The following PCDHA12 variants were observed in gnomAD, a reference collection of about 807,000 sequenced individuals.
PCDHA12 encodes protocadherin alpha 12.
Under a neutral mutation model 60.0 loss-of-function variants are expected in PCDHA12, and 44 were observed. The observed-to-expected ratio is 0.73, with a 90% CI of 0.58 to 0.94. The LOEUF is 0.94. Ranked by LOEUF, PCDHA12 falls within the 40% of genes least tolerant of loss-of-function variation. The pLI, the probability that PCDHA12 is intolerant of heterozygous loss-of-function variation, is 0.00. For missense variants in PCDHA12, 1,276 were observed against 1,239.7 expected, an observed-to-expected ratio of 1.03 and a Z score of -0.44; for synonymous variants, 569 against 553.0, an observed-to-expected ratio of 1.03 and a Z score of -0.40.
Position 140,939,297 on chromosome 5 carries a change from T to C in PCDHA12, c.2368-39652T>C, listed in dbSNP as rs116782192. Among the ~76,000 whole-genome samples the C allele has an allele frequency of 5.4e-3, 827 of 152,242 alleles. 3 individuals are homozygous for C. The highest frequency in any genetic ancestry group is 0.019 in the African/African-American group (796 of 41,542). ...TGTGCCCTCGTGATCTAATCATCTC[T>C]ACAAAAGCCCTACCTCCTAATATCA... On this transcript the variant is annotated intron_variant, in intron 1 of 3. Coordinates refer to ENST00000398631, the MANE Select transcript of PCDHA12 (RefSeq NM_018903.4).
At chr5:140,992,925 C>G (rs548869982) in intron 3 of PCDHA12, among the ~76,000 whole-genome samples, 1 of 152,312 alleles carries the variant, frequency 6.6e-6, no homozygotes, top group South Asian at 2.1e-4. Flanking sequence ...TCCATACTTA[C>G]AGCAGCTCTG....
intron 1 of PCDHA12, chr5:140,930,393 CTT>C (rs879960332): frequency 4.1e-5 from 6 of 145,282 alleles, no homozygotes; most frequent in Admixed American, 6.9e-5. Flanking sequence ...TTCAAAACTT[CTT>C]TTTTTTTTTT....
chr5:140,889,928 G>A (rs554679699), intron 1 of PCDHA12, among the ~76,000 whole-genome samples: 98 of 152,304 alleles, frequency 6.4e-4, no homozygotes, highest in South Asian at 1.5e-3. Context: ...AGAAGCTCAA[G>A]CTGGACTTGT....
At position 140,876,794 on chromosome 5, in the gene PCDHA12, T is replaced by G; in HGVS notation, c.1322T>G (p.Val441Gly). ...CCTTCGCTGTGGGCCACGGCTAGAG[T>G]GTCCGTGGAGGTGGCCGACGTGAAC... ...GSPSLWATAR[V>G]SVEVADVNDN... Residue 441 changes from valine to glycine, a missense_variant, in exon 1 of 4, where the codon GTG becomes GGG. Val to Gly is a moderately radical substitution (Grantham distance 109). Coordinates refer to ENST00000398631, the MANE Select transcript of PCDHA12 (RefSeq NM_018903.4). The G allele has an allele frequency of 6.2e-7, 1 of 1,614,056 alleles. No homozygotes were observed. Among genetic ancestry groups the G allele is most frequent in the Non-Finnish European group, 8.5e-7 (1 of 1,179,998 alleles).
chr5:140,941,447 C>T (rs1180553779), intron 1 of PCDHA12, among the ~76,000 whole-genome samples: 1 of 150,780 alleles, frequency 6.6e-6, no homozygotes, highest in South Asian at 2.1e-4. Flanking sequence ...TCGGGAGTAG[C>T]TGGGATTACA....
At chr5:140,964,378 T>A (rs182628269) in intron 1 of PCDHA12, among the ~76,000 whole-genome samples, 1 of 151,270 alleles carries the variant, frequency 6.6e-6, no homozygotes, top group Non-Finnish European at 1.5e-5. Context: ...GAAAGGAGAG[T>A]CCTGGTTTTT....
At chr5:140,910,924 A>T (rs568597600) in intron 1 of PCDHA12, among the ~76,000 whole-genome samples, 1 of 152,142 alleles carries the variant, frequency 6.6e-6, no homozygotes, top group Admixed American at 6.5e-5. Flanking sequence ...GCTTATATAA[A>T]TAAGAAAGCT....
chr5:140,981,699 T>A (rs1162840326), intron 2 of PCDHA12, among the ~76,000 whole-genome samples: 1 of 151,316 alleles, frequency 6.6e-6, no homozygotes, highest in Non-Finnish European at 1.5e-5. Context: ...CATTCATTCA[T>A]TCATTCATTC....
At chr5:140,968,210 A>T (rs376166734) in intron 1 of PCDHA12, 4 of 1,613,882 alleles carry the variant, frequency 2.5e-6, no homozygotes, top group Non-Finnish European at 3.4e-6. Flanking sequence ...ACAGGAGAAC[A>T]ATTTGCCAGG....
At chr5:140,959,331 T>C (rs1170663171) in intron 1 of PCDHA12, among the ~76,000 whole-genome samples, 1 of 152,072 alleles carries the variant, frequency 6.6e-6, no homozygotes. Flanking sequence ...GTTTTGATTA[T>C]GCTACTGCAC....
At chr5:140,932,091 T>G (rs904157159) in intron 1 of PCDHA12, among the ~76,000 whole-genome samples, 1 of 151,872 alleles carries the variant, frequency 6.6e-6, no homozygotes, top group Non-Finnish European at 1.5e-5. Context: ...GAAAACATGG[T>G]TTTTATCTCT....
chr5:140,977,630 C>T (rs2096769145), intron 1 of PCDHA12, among the ~76,000 whole-genome samples: 1 of 152,148 alleles, frequency 6.6e-6, no homozygotes, highest in African/African-American at 2.4e-5. Flanking sequence ...AGAGTTGTAA[C>T]TTTTTCTGGG....
chr5:140,914,052 G>T (rs1485469381), intron 1 of PCDHA12, among the ~76,000 whole-genome samples: 1 of 152,172 alleles, frequency 6.6e-6, no homozygotes, highest in East Asian at 1.9e-4. Flanking sequence ...TTCTGCAGCT[G>T]TTGGATGAAA....
At chr5:140,918,694 T>C (rs1260893633) in intron 1 of PCDHA12, among the ~76,000 whole-genome samples, 2 of 152,186 alleles carry the variant, frequency 1.3e-5, no homozygotes, top group Non-Finnish European at 2.9e-5. Flanking sequence ...CAAACATAAT[T>C]AAGTCATGAG....
chr5:140,974,680 T>C (rs2096636478), intron 1 of PCDHA12, among the ~76,000 whole-genome samples: 1 of 152,074 alleles, frequency 6.6e-6, no homozygotes, highest in African/African-American at 2.4e-5. Flanking sequence ...CCTGGCTAAT[T>C]TTGTATTTTT....
At chr5:140,910,985 A>G (rs1554194529) in intron 1 of PCDHA12, among the ~76,000 whole-genome samples, 1 of 151,754 alleles carries the variant, frequency 6.6e-6, no homozygotes, top group Non-Finnish European at 1.5e-5. Flanking sequence ...TATACTCTGA[A>G]CCTCACCCCT....
At chr5:140,980,448 G>A (rs1333028932) in intron 2 of PCDHA12, among the ~76,000 whole-genome samples, 7 of 152,122 alleles carry the variant, frequency 4.6e-5, no homozygotes, top group African/African-American at 9.7e-5. Flanking sequence ...TGGACAACAC[G>A]GTGAAACCCT....
At position 140,928,347 on chromosome 5, in the gene PCDHA12, G is replaced by A. The variant is rs139222568; in HGVS notation, c.2367+50508G>A. 5 of 1,614,148 alleles carry A rather than the reference G, an allele frequency of 3.1e-6. No homozygotes were observed. The African/African-American group carries it at 5.3e-5, about 17-fold the overall frequency. On this transcript the variant is annotated intron_variant, in intron 1 of 3. Coordinates refer to ENST00000398631, the MANE Select transcript of PCDHA12 (RefSeq NM_018903.4). ...ATGGCCTTGTCTCTTATGAGCTGTT[G>A]GATGTTATCTCTGAAGGGCCATCAG...
At chr5:140,934,437 T>C (rs950173265) in intron 1 of PCDHA12, among the ~76,000 whole-genome samples, 4 of 152,298 alleles carry the variant, frequency 2.6e-5, no homozygotes, top group Admixed American at 6.5e-5. Context: ...AGTGTAAATA[T>C]AGTGAAAAAT....
Sources: allele counts gnomAD v4.1 joint callset (sites outside exome capture counted in the v4.1 genomes callset), GRCh38; gene constraint gnomAD v4.1.1; transcripts MANE v1.5; gene names NCBI Gene and HGNC (gene_info 2026-07-23, HGNC 2026-07-21).